SLC8A2: variants seen among roughly 807,000 people sequenced by gnomAD.
The protein encoded by SLC8A2 is solute carrier family 8 member A2, also known as sodium/calcium exchanger 2.
Under a neutral mutation model 70.2 loss-of-function variants are expected in SLC8A2, and 14 were observed. The observed-to-expected ratio is 0.20, with a 90% CI of 0.13 to 0.31. SLC8A2 has a LOEUF of 0.31. SLC8A2 is among the 10% of genes least tolerant of loss of function. SLC8A2 has a pLI of 1.00. For synonymous variants in SLC8A2, 575 were observed against 594.3 expected (o/e 0.97, Z 0.47); for missense variants, 779 against 1,320.1 (o/e 0.59, Z 6.35).
chr19:47,445,695 G>A lies in SLC8A2; in HGVS notation c.1763+2114C>T, dbSNP rs142749282. ...TCTGAAGCCACAGCTGGGAGCTTGT[G>A]GGGGTGGGGGACAGAGGGTGTCCCA... is the stretch of plus-strand genomic sequence containing the variant. On this transcript the variant is annotated intron_variant, in intron 4 of 9. Coordinates refer to ENST00000236877, the MANE Select transcript of SLC8A2 (RefSeq NM_015063.3). 6.6e-5 allele frequency among the ~76,000 whole-genome samples: 10 copies of A among 152,334 alleles called. No homozygotes were observed. In the South Asian group the frequency reaches 1.7e-3, roughly 25 times the overall value.
intron 3 of SLC8A2, among the ~76,000 whole-genome samples, chr19:47,453,165 C>A (rs1004111185): frequency 6.6e-6 from 1 of 152,180 alleles, no homozygotes; most frequent in African/African-American, 2.4e-5. Context: ...TCAGAGATCA[C>A]GTTTAGTTTG....
chr19:47,466,413 TG>T lies in SLC8A2; in HGVS notation c.-11del. On this transcript the variant is annotated 5_prime_UTR_variant, in exon 2 of 10. Coordinates refer to ENST00000236877, the MANE Select transcript of SLC8A2 (RefSeq NM_015063.3). The surrounding 1 kb of genome is among the most constrained non-coding windows in gnomAD (Gnocchi z 6.9). ...AGGCCAGGGGAGCCATGGGGGGTGG[TG>T]GGGTCCTATGGGGGAGGAGGAGGAG... 2.5e-6 allele frequency: 3 copies of T among 1,196,156 alleles called. No individual in the cohort carries two copies. Among genetic ancestry groups the T allele is most frequent in the Non-Finnish European group, 3.4e-6 (3 of 882,686 alleles). 74.1% of individuals were successfully genotyped at this position (1,196,156 alleles called of 1,614,324 possible). A position where few individuals can be genotyped will look rare whatever the true frequency, so the allele number is the denominator to read the frequency against.
chr19:47,440,051 T>C (rs893846877), intron 6 of SLC8A2, among the ~76,000 whole-genome samples: 12 of 152,292 alleles, frequency 7.9e-5, no homozygotes, highest in Admixed American at 3.3e-4. Context: ...ACGAATACAA[T>C]CTTTAATCTA....
intron 8 of SLC8A2, among the ~76,000 whole-genome samples, chr19:47,436,391 T>C (rs947363398): frequency 6.6e-6 from 1 of 152,216 alleles, no homozygotes; most frequent in African/African-American, 2.4e-5. Context: ...TCCCTGGCAA[T>C]GTCTCACATA....
intron 2 of SLC8A2, among the ~76,000 whole-genome samples, chr19:47,460,752 G>C (rs760652594): frequency 1.3e-5 from 2 of 151,606 alleles, no homozygotes; most frequent in Non-Finnish European, 2.9e-5. Flanking sequence ...TTATTATTTA[G>C]TACTATTATC....
Position 47,447,504 on chromosome 19 carries a change from G to A in SLC8A2, c.1763+305C>T, listed in dbSNP as rs1967179688. ...CAACCCCACCAGGCCCCGCCCACGTGGTAGACACAGCACACCTAGGCCCCG... is the reference window on the plus strand; with the variant it reads ...CAACCCCACCAGGCCCCGCCCACGTAGTAGACACAGCACACCTAGGCCCCG... On this transcript the variant is annotated intron_variant, in intron 4 of 9. Transcript: ENST00000236877. This position sits in a 1 kb window ranked among gnomAD's most constrained non-coding sequence, Gnocchi z 5.1. 2.3e-6 allele frequency: 1 copy of A among 442,514 alleles called. No homozygotes were observed. Among genetic ancestry groups the A allele is most frequent in the African/African-American group, 2.1e-5 (1 of 47,366 alleles). The allele number at this position is 442,514 out of a possible 1,614,324, so 27.4% of individuals were successfully genotyped here.
chr19:47,437,203 T>C lies in SLC8A2; in HGVS notation c.2110+259A>G, dbSNP rs546629603. Among the ~76,000 whole-genome samples, 68 of 134,804 alleles carry C rather than the reference T, an allele frequency of 5.0e-4. No individual in the cohort carries two copies. In the South Asian group the frequency reaches 5.8e-3, roughly 11 times the overall value. The allele number at this position is 134,804 out of a possible 152,430, so 88.4% of individuals were successfully genotyped here. ...TTTCTGTGTGTCTCTCTCTCCTGCT[T>C]GTATTTTTTTTAGAGACAGCGTCTT... is the stretch of plus-strand genomic sequence containing the variant. On this transcript the variant is annotated intron_variant, in intron 8 of 9. Transcript: ENST00000236877.
At chr19:47,443,973 G>T (rs1967129037) in intron 4 of SLC8A2, among the ~76,000 whole-genome samples, 5 of 151,922 alleles carry the variant, frequency 3.3e-5, no homozygotes. Flanking sequence ...ATGGCTCACT[G>T]CAGCCTTGAT....
At chr19:47,470,348 T>TACACACACAC (rs71180846) in intron 1 of SLC8A2, among the ~76,000 whole-genome samples, 3,046 of 139,346 alleles carry the variant, frequency 0.022, 40 homozygotes, top group African/African-American at 0.028. Flanking sequence ...GGAGACATCA[T>TACACACACAC]ACACACACAC....
intron 4 of SLC8A2, among the ~76,000 whole-genome samples, chr19:47,442,312 T>A (rs922280561): frequency 6.6e-6 from 1 of 152,050 alleles, no homozygotes; most frequent in Non-Finnish European, 1.5e-5. Context: ...GCAGCCAGAG[T>A]GATCCTGATA....
rs1293426564 is a variant in SLC8A2, at chr19:47,447,882, C to A, written c.1690G>T (p.Gly564Cys). 1.3e-6 allele frequency: 2 copies of A among 1,592,650 alleles called. No homozygotes were observed. Among genetic ancestry groups the A allele is most frequent in the East Asian group, 2.3e-5 (1 of 43,232 alleles). The change falls in exon 4 of 10, where the codon GGC (glycine) becomes TGC (cysteine). Residue 564 changes from glycine (G) to cysteine (C), a missense_variant. Physicochemically the swap from Gly to Cys is radical, Grantham distance 159. Around this residue, in one of 6 missense-constraint regions of SLC8A2, gnomAD observed 247 missense variants for 362.8 expected, o/e 0.68. Coordinates refer to ENST00000236877, the MANE Select transcript of SLC8A2 (RefSeq NM_015063.3). The surrounding 1 kb of genome is among the most constrained non-coding windows in gnomAD (Gnocchi z 5.1). ...TGCACGCCGCCGCCGCGCGCCGTGCCGTCCACCGTGCGGTAGGGAAGGCGC... is the reference window on the plus strand; with the variant it reads ...TGCACGCCGCCGCCGCGCGCCGTGCAGTCCACCGTGCGGTAGGGAAGGCGC... ...TVRLPYRTVD[G>C]TARGGGVHYE...
Position 47,465,691 on chromosome 19 carries a change from C to A in SLC8A2, c.675+38G>T. On this transcript the variant is annotated intron_variant, in intron 2 of 9. Coordinates refer to ENST00000236877, the MANE Select transcript of SLC8A2 (RefSeq NM_015063.3). This position sits in a 1 kb window ranked among gnomAD's most constrained non-coding sequence, Gnocchi z 5.5. ...AGCACCTCTCTGGATTTTGCAGACA[C>A]ACATGCACCAAGAAAGCATCTATGC... 1 of 1,535,868 alleles carries A rather than the reference C, an allele frequency of 6.5e-7. No homozygotes were observed. Among genetic ancestry groups the A allele is most frequent in the East Asian group, 2.3e-5 (1 of 43,448 alleles).
At chr19:47,442,119 A>T (rs746962017) in intron 4 of SLC8A2, among the ~76,000 whole-genome samples, 26 of 152,206 alleles carry the variant, frequency 1.7e-4, no homozygotes, top group Admixed American at 5.9e-4. Flanking sequence ...ATAATAATAA[A>T]AAAATAAAGC....
At position 47,457,299 on chromosome 19, in the gene SLC8A2, T is replaced by C; in HGVS notation, c.971A>G (p.Gln324Arg). Residue 324 changes from glutamine to arginine, a missense_variant, in exon 3 of 10, where the codon CAG becomes CGG. Transcript: ENST00000236877. ...CTCCAGATCCTTGTCCGGGTGCTTCTGCTTGAGGTCCTTGAGGATCTGGAT... is the reference window on the plus strand; with the variant it reads ...CTCCAGATCCTTGTCCGGGTGCTTCCGCTTGAGGTCCTTGAGGATCTGGAT... ...EVIQILKDLK[Q>R]KHPDKDLEQL... is the part of the protein sequence containing the mutation. 1 of 1,546,654 alleles carries C rather than the reference T, an allele frequency of 6.5e-7. No individual in the cohort carries two copies. The highest frequency in any genetic ancestry group is 8.7e-7 in the Non-Finnish European group (1 of 1,145,456).
At position 47,432,440 on chromosome 19, in the gene SLC8A2, C is replaced by G; in HGVS notation, c.2116G>C (p.Glu706Gln). 3.8e-6 allele frequency: 6 copies of G among 1,593,328 alleles called. No homozygotes were observed. The highest frequency in any genetic ancestry group is 5.1e-6 in the Non-Finnish European group (6 of 1,169,492). ...LEAITVSAGD[E>Q]EEEEDGSREE... Reference sequence around the variant, plus strand: ...CGGGACCCGTCCTCCTCCTCCTCCTCGTCCCCTGTGGGCACACGACCCAGC... The same window carrying G: ...CGGGACCCGTCCTCCTCCTCCTCCTGGTCCCCTGTGGGCACACGACCCAGC... The change falls in exon 9 of 10, where the codon GAG becomes CAG. Residue 706 changes from glutamate (E) to glutamine (Q), a missense_variant. Coordinates refer to ENST00000236877, the MANE Select transcript of SLC8A2 (RefSeq NM_015063.3). The surrounding 1 kb of genome is among the most constrained non-coding windows in gnomAD (Gnocchi z 6.2).
Position 47,466,065 on chromosome 19 carries a change from G to A in SLC8A2, c.339C>T (p.Asn113=), listed in dbSNP as rs779990194. The change falls in exon 2 of 10, where the codon AAC becomes AAT. Residue 113 remains asparagine, a synonymous_variant. Transcript: ENST00000236877. This position sits in a 1 kb window ranked among gnomAD's most constrained non-coding sequence, Gnocchi z 6.9. ...KEKEITITKA[N]GETSVGTVRI... ...GAACGGTGCCCACGCTGGTCTCACC[G>A]TTGGCCTTGGTGATGGTGATCTCCT... 34 of 1,614,176 alleles carry A rather than the reference G, an allele frequency of 2.1e-5. No homozygotes were observed. The highest frequency in any genetic ancestry group is 6.7e-5 in the African/African-American group (5 of 75,054).
At chr19:47,437,171 C>T (rs1568440181) in intron 8 of SLC8A2, among the ~76,000 whole-genome samples, 2 of 151,612 alleles carry the variant, frequency 1.3e-5, no homozygotes, top group South Asian at 2.1e-4. Flanking sequence ...CTGATTCTCC[C>T]TGTGTATTTC....
At position 47,435,791 on chromosome 19, in the gene SLC8A2, A is replaced by C. The variant is rs938609552; in HGVS notation, c.2110+1671T>G. Among the ~76,000 whole-genome samples the C allele has an allele frequency of 4.8e-4, 73 of 151,776 alleles. 1 individual carries two copies. Among genetic ancestry groups the C allele is most frequent in the Non-Finnish European group, 2.4e-4 (16 of 67,930 alleles). On this transcript the variant is annotated intron_variant, in intron 8 of 9. Coordinates refer to ENST00000236877, the MANE Select transcript of SLC8A2 (RefSeq NM_015063.3). ...TCGAACTCCTGACCTCAGGTGATCC[A>C]CCTGCCTCGGCCTCCCAAAGTGCTA...
chr19:47,434,263 G>T (rs1421256152), intron 8 of SLC8A2, among the ~76,000 whole-genome samples: 1 of 152,150 alleles, frequency 6.6e-6, no homozygotes, highest in African/African-American at 2.4e-5. Context: ...CTTGGTTCTT[G>T]TACTACCTTC....
Sources: gnomAD v4.1 joint callset for allele counts (sites outside exome capture counted in the v4.1 genomes callset) on GRCh38, gnomAD v4.1.1 for gene constraint, gnomAD v4.1.1 regional missense constraint, Gnocchi (gnomAD v3.1) non-coding constraint, MANE v1.5 for transcripts, NCBI Gene and HGNC (gene_info 2026-07-23, HGNC 2026-07-21) for gene names.